The following PHACTR4 variants were observed in gnomAD, a reference collection of about 807,000 sequenced individuals.
The protein encoded by PHACTR4 is phosphatase and actin regulator 4.
PHACTR4 carries 51 observed loss-of-function variants against 72.7 expected under a neutral mutation model. The observed-to-expected ratio is 0.70, with a 90% CI of 0.56 to 0.89. The LOEUF (loss-of-function observed/expected upper bound fraction) is 0.89, where lower values mean the gene tolerates loss of function less well. Ranked by LOEUF, PHACTR4 falls within the 40% of genes least tolerant of loss-of-function variation. PHACTR4 has a pLI of 0.00. For missense variants in PHACTR4, 731 were observed against 861.8 expected, an observed-to-expected ratio of 0.85 and a Z score of 1.90; for synonymous variants, 255 against 302.5, an observed-to-expected ratio of 0.84 and a Z score of 1.63.
chr1:28,441,299 C>T (rs766869890), intron 2 of PHACTR4, among the ~76,000 whole-genome samples: 7 of 151,246 alleles, frequency 4.6e-5, no homozygotes, highest in Non-Finnish European at 1.0e-4. Context: ...AGGCTGGTCT[C>T]GAACTCTAGC....
At chr1:28,471,277 A>C (rs1659543558) in intron 6 of PHACTR4, among the ~76,000 whole-genome samples, 1 of 152,050 alleles carries the variant, frequency 6.6e-6, no homozygotes, top group Non-Finnish European at 1.5e-5. Flanking sequence ...TGAACCCAGG[A>C]GGTGGAGGTT....
chr1:28,398,513 G>T (rs1264726189), intron 1 of PHACTR4, among the ~76,000 whole-genome samples: 1 of 150,728 alleles, frequency 6.6e-6, no homozygotes. Context: ...AGAGTAGACA[G>T]ACCCTGTCTC....
chr1:28,453,785 C>T, intron 2 of PHACTR4: 1 of 911,810 alleles, frequency 1.1e-6, no homozygotes, highest in Non-Finnish European at 1.8e-6. Context: ...CAGTTATCCA[C>T]ATTGGTGCGT....
chr1:28,477,465 G>C (rs1659999655), intron 8 of PHACTR4, among the ~76,000 whole-genome samples: 1 of 151,830 alleles, frequency 6.6e-6, no homozygotes, highest in South Asian at 2.1e-4. Flanking sequence ...GAGCCACCGT[G>C]CCTAGCCTAT....
chr1:28,489,893 G>T (rs1342963727), intron 10 of PHACTR4: 1 of 518,868 alleles, frequency 1.9e-6, no homozygotes, highest in Non-Finnish European at 3.8e-6. Flanking sequence ...AGCACTACTT[G>T]GGTATACACA....
chr1:28,390,902 C>T (rs1652960451), intron 1 of PHACTR4, among the ~76,000 whole-genome samples: 1 of 151,922 alleles, frequency 6.6e-6, no homozygotes, highest in South Asian at 2.1e-4. Flanking sequence ...TGAGACCAGC[C>T]TGGGCAACAT....
chr1:28,394,808 C>G (rs1653360852), intron 1 of PHACTR4, among the ~76,000 whole-genome samples: 1 of 151,890 alleles, frequency 6.6e-6, no homozygotes, highest in South Asian at 2.1e-4. Context: ...GTTGGTCAGG[C>G]TGGTCTCAAA....
chr1:28,428,955 A>G (rs1413856796), intron 2 of PHACTR4, among the ~76,000 whole-genome samples: 1 of 152,244 alleles, frequency 6.6e-6, no homozygotes, highest in African/African-American at 2.4e-5. Context: ...GAGATTTTAC[A>G]TAGTTATATG....
At chr1:28,375,312 C>T (rs1218107875) in intron 1 of PHACTR4, among the ~76,000 whole-genome samples, 3 of 98,688 alleles carry the variant, frequency 3.0e-5, no homozygotes, top group Non-Finnish European at 6.4e-5. Flanking sequence ...ACCACCCCTG[C>T]CCGCCCCCAC....
At chr1:28,409,007 G>A (rs1654572610) in intron 2 of PHACTR4, among the ~76,000 whole-genome samples, 1 of 151,888 alleles carries the variant, frequency 6.6e-6, no homozygotes, top group South Asian at 2.1e-4. Context: ...TTTAGCCTGT[G>A]TATATTTCAT....
intron 9 of PHACTR4, among the ~76,000 whole-genome samples, chr1:28,487,030 CTAAA>C (rs957170701): frequency 3.9e-5 from 6 of 151,916 alleles, no homozygotes; most frequent in Admixed American, 3.3e-4. Flanking sequence ...AGCCCAGTCT[CTAAA>C]TAAATAAATA....
intron 6 of PHACTR4, among the ~76,000 whole-genome samples, chr1:28,471,105 T>C (rs866187202): frequency 4.6e-5 from 7 of 151,784 alleles, no homozygotes; most frequent in Middle Eastern, 3.2e-3. Context: ...CCCAGCACTT[T>C]GGGAGGCCGA....
intron 2 of PHACTR4, among the ~76,000 whole-genome samples, chr1:28,448,786 C>A (rs1363797422): frequency 1.1e-5 from 1 of 94,292 alleles, no homozygotes; most frequent in Admixed American, 1.2e-4. Flanking sequence ...AAAAAAAAAA[C>A]CTGATAAGGT....
intron 2 of PHACTR4, among the ~76,000 whole-genome samples, chr1:28,432,374 T>C (rs1347398435): frequency 6.6e-6 from 1 of 150,734 alleles, no homozygotes; most frequent in African/African-American, 2.4e-5. Context: ...TCTCTCTCTT[T>C]TTTTTTTTTT....
chr1:28,463,539 T>G (rs1658950234), intron 4 of PHACTR4, among the ~76,000 whole-genome samples: 1 of 152,212 alleles, frequency 6.6e-6, no homozygotes, highest in South Asian at 2.1e-4. Flanking sequence ...TTTGAAATCA[T>G]TGCTTCAGTA....
At chr1:28,471,982 C>T (rs972259517) in intron 6 of PHACTR4, among the ~76,000 whole-genome samples, 6 of 151,840 alleles carry the variant, frequency 4.0e-5, no homozygotes, top group East Asian at 3.9e-4. Context: ...GAGGCCGAGG[C>T]GGGCGGATCA....
At chr1:28,397,400 G>T (rs1653592787) in intron 1 of PHACTR4, among the ~76,000 whole-genome samples, 1 of 152,108 alleles carries the variant, frequency 6.6e-6, no homozygotes, top group African/African-American at 2.4e-5. Context: ...ACTAACTTGT[G>T]CTAATTTGTC....
At chr1:28,410,956 C>T (rs1283422809) in intron 2 of PHACTR4, among the ~76,000 whole-genome samples, 2 of 152,030 alleles carry the variant, frequency 1.3e-5, no homozygotes, top group Admixed American at 6.5e-5. Context: ...ATCCACCCGC[C>T]GTGGCCTCCC....
intron 1 of PHACTR4, among the ~76,000 whole-genome samples, chr1:28,375,154 C>G (rs907296679): frequency 6.6e-6 from 1 of 152,094 alleles, no homozygotes; most frequent in Admixed American, 6.6e-5. Context: ...AAACAATTAG[C>G]TGGGGGTGGT....
Sources: gnomAD v4.1 joint callset for allele counts (sites outside exome capture counted in the v4.1 genomes callset) on GRCh38, gnomAD v4.1.1 for gene constraint, MANE v1.5 for transcripts, NCBI Gene and HGNC (gene_info 2026-07-23, HGNC 2026-07-21) for gene names.